The following SHROOM4 variants were observed in gnomAD, a reference collection of about 807,000 sequenced individuals.
The protein encoded by SHROOM4 is shroom family member 4, also known as protein Shroom4.
In SHROOM4, 17 loss-of-function variants were observed where a neutral mutation model predicts 80.3. That is an observed-to-expected ratio of 0.21 (90% CI 0.14 to 0.32). The LOEUF is 0.32. Among genes scored for constraint, SHROOM4 ranks in the 10% least tolerant of loss-of-function variants. The pLI, the probability that SHROOM4 is intolerant of heterozygous loss-of-function variation, is 1.00. For missense variants in SHROOM4, 993 were observed against 1,140.3 expected, an observed-to-expected ratio of 0.87 and a Z score of 1.86; for synonymous variants, 400 against 437.5, an observed-to-expected ratio of 0.91 and a Z score of 1.07.
intron 1 of SHROOM4, among the ~76,000 whole-genome samples, chrX:50,783,854 G>A (rs940947373): frequency 1.8e-5 from 2 of 112,109 alleles, no homozygotes; most frequent in East Asian, 5.6e-4. Context: ...GGGATTACAG[G>A]TGTGAGACAC....
chrX:50,776,882 G>T lies in SHROOM4; in HGVS notation c.117+37020C>A, dbSNP rs782654573. Among the ~76,000 whole-genome samples, 42 of 109,274 alleles carry T rather than the reference G, an allele frequency of 3.8e-4. No homozygotes were observed. The East Asian group carries it at 0.01, about 26-fold the overall frequency. The allele number at this position is 109,274 out of a possible 115,157, so 94.9% of individuals were successfully genotyped here. On this transcript the variant is annotated intron_variant, in intron 1 of 8. Transcript: ENST00000376020. Reference sequence around the variant, plus strand: ...TTTTGAATTTTTTCGTAGTGACGGGGTTTACTATATTGCCCAGGCTGTCTC... The same window carrying T: ...TTTTGAATTTTTTCGTAGTGACGGGTTTTACTATATTGCCCAGGCTGTCTC...
At chrX:50,740,590 T>C (rs1387944515) in intron 1 of SHROOM4, among the ~76,000 whole-genome samples, 1 of 111,719 alleles carries the variant, frequency 9.0e-6, no homozygotes, top group African/African-American at 3.3e-5. Context: ...CAGTCTTGAC[T>C]TATACCAATC....
chrX:50,813,518 G>C (rs1936393382), intron 1 of SHROOM4, among the ~76,000 whole-genome samples: 1 of 112,569 alleles, frequency 8.9e-6, no homozygotes, highest in East Asian at 2.8e-4. Context: ...CGCGATGACT[G>C]TCCCTTCAGT....
intron 2 of SHROOM4, among the ~76,000 whole-genome samples, chrX:50,676,516 A>G (rs1331209936): frequency 2.7e-5 from 3 of 111,016 alleles, no homozygotes; most frequent in Middle Eastern, 4.2e-3. Context: ...GCTATTTCTA[A>G]GGGCTTGAAA....
At chrX:50,684,482 G>A (rs1339042997) in intron 2 of SHROOM4, among the ~76,000 whole-genome samples, 1 of 112,047 alleles carries the variant, frequency 8.9e-6, no homozygotes, top group Non-Finnish European at 1.9e-5. Flanking sequence ...TACCCAGTCT[G>A]TGTCACTTTG....
chrX:50,685,806 T>G (rs1557262197), intron 2 of SHROOM4, among the ~76,000 whole-genome samples: 1 of 111,994 alleles, frequency 8.9e-6, no homozygotes, highest in Non-Finnish European at 1.9e-5. Flanking sequence ...AAGCTTGACT[T>G]TGGCCTTTGT....
chrX:50,662,219 C>T (rs1261711651), intron 2 of SHROOM4, among the ~76,000 whole-genome samples: 2 of 111,618 alleles, frequency 1.8e-5, no homozygotes, highest in African/African-American at 3.3e-5. Context: ...AAGTGTTATG[C>T]GTCAGGCGTG....
rs1159878979 is a variant in SHROOM4 at position 50,634,403 on chromosome X, T to C, written c.1670A>G (p.Asp557Gly). 1.7e-6 allele frequency: 2 copies of C among 1,209,149 alleles called. No homozygotes were observed. The highest frequency in any genetic ancestry group is 3.5e-5 in the African/African-American group (2 of 56,984). Residue 557 changes from aspartate to glycine, a missense_variant, in exon 4 of 9, where the codon GAC becomes GGC. Transcript: ENST00000376020. ...CCGGCTGCACTCCTTGGGCTCGCTG[T>C]CCCCTTCTTCACCTGCCTCTGTGCC... is the stretch of plus-strand genomic sequence containing the variant. ...ASGTEAGEEG[D>G]SEPKECSRMG...
Position 50,608,176 on chromosome X carries a change from G to C in SHROOM4, c.2966C>G (p.Ala989Gly), listed in dbSNP as rs781806295. The change falls in exon 6 of 9, where the codon GCT (alanine) becomes GGT (glycine). Residue 989 changes from alanine (A) to glycine (G), a missense_variant. Physicochemically the swap from Ala to Gly is moderately conservative, Grantham distance 60. Transcript: ENST00000376020. ...CCATGAAAAGCTAGTCTTGGAATGA[G>C]CCATTTCCCTGCAAAACATCAGATG... Reference protein sequence around the residue: ...RKTSQSGREMAHSKTSFSWAT... With the variant: ...RKTSQSGREMGHSKTSFSWAT... 2 of 1,210,015 alleles carry C rather than the reference G, an allele frequency of 1.7e-6. No individual in the cohort carries two copies. The highest frequency in any genetic ancestry group is 1.1e-6 in the Non-Finnish European group (1 of 895,248).
intron 2 of SHROOM4, among the ~76,000 whole-genome samples, chrX:50,650,478 G>A (rs1380877605): frequency 9.0e-6 from 1 of 110,781 alleles, no homozygotes; most frequent in African/African-American, 3.3e-5. Flanking sequence ...AGCCTCCCGA[G>A]TAGCCGGGAC....
At chrX:50,736,500 CA>C (rs1934496716) in intron 1 of SHROOM4, among the ~76,000 whole-genome samples, 1 of 111,673 alleles carries the variant, frequency 9.0e-6, no homozygotes, top group Non-Finnish European at 1.9e-5. Context: ...TAAGTGAAAA[CA>C]TGCAGTGTTT....
the SHROOM4 span, among the ~76,000 whole-genome samples, chrX:50,575,594 T>C: frequency 2.7e-5 from 3 of 111,305 alleles, no homozygotes; most frequent in Admixed American, 1.9e-4. Context: ...AGCATGATAT[T>C]AAATAGGAGT....
intron 1 of SHROOM4, among the ~76,000 whole-genome samples, chrX:50,728,237 T>C (rs1308313962): frequency 9.0e-6 from 1 of 110,868 alleles, no homozygotes; most frequent in Non-Finnish European, 1.9e-5. Context: ...CGGGCACCTG[T>C]AGTCCCAGCT....
intron 1 of SHROOM4, among the ~76,000 whole-genome samples, chrX:50,751,795 T>C (rs1435405191): frequency 3.6e-5 from 4 of 112,015 alleles, no homozygotes; most frequent in Non-Finnish European, 5.6e-5. Context: ...TCTAAGACAG[T>C]AGTATAGGGC....
intron 1 of SHROOM4, among the ~76,000 whole-genome samples, chrX:50,751,239 T>C (rs1210270837): frequency 8.9e-6 from 1 of 111,853 alleles, no homozygotes; most frequent in African/African-American, 3.3e-5. Context: ...ACTACCACTT[T>C]GGTCAACTGT....
intron 2 of SHROOM4, among the ~76,000 whole-genome samples, chrX:50,641,118 C>T (rs144448220): frequency 0.022 from 2,474 of 112,060 alleles, 61 homozygotes; most frequent in African/African-American, 0.077. Flanking sequence ...CAAGTACCAT[C>T]TCCTCCAGGA....
chrX:50,757,128 A>G (rs782585748), intron 1 of SHROOM4, among the ~76,000 whole-genome samples: 22 of 112,316 alleles, frequency 2.0e-4, no homozygotes, highest in Non-Finnish European at 3.4e-4. Context: ...AAGCTCTTAT[A>G]CTTAGGTATA....
At chrX:50,723,488 G>A (rs145998598) in intron 1 of SHROOM4, among the ~76,000 whole-genome samples, 3,165 of 109,839 alleles carry the variant, frequency 0.029, 54 homozygotes, top group Middle Eastern at 0.07. Context: ...AGGAGTGTGG[G>A]CTTCCTATGA....
intron 1 of SHROOM4, among the ~76,000 whole-genome samples, chrX:50,803,083 G>A (rs1405414306): frequency 2.7e-5 from 3 of 112,037 alleles, no homozygotes; most frequent in Middle Eastern, 4.6e-3. Context: ...CCAGCTACTC[G>A]GGAGGCTGAG....
Sources: gnomAD v4.1 joint callset for allele counts (sites outside exome capture counted in the v4.1 genomes callset) on GRCh38, gnomAD v4.1.1 for gene constraint, MANE v1.5 for transcripts, NCBI Gene and HGNC (gene_info 2026-07-23, HGNC 2026-07-21) for gene names.